UNC79: variants seen among roughly 807,000 people sequenced by gnomAD.
UNC79 encodes the protein protein unc-79 homolog.
Under a neutral mutation model 283.1 loss-of-function variants are expected in UNC79, and 37 were observed. That is an observed-to-expected ratio of 0.13 (90% confidence interval 0.10 to 0.17). The LOEUF is 0.17. Among genes scored for constraint, UNC79 ranks in the 10% least tolerant of loss-of-function variants. The pLI is 1.00. For synonymous variants in UNC79, 1,107 were observed against 1,200.2 expected (o/e 0.92, Z 1.61); for missense variants, 2,272 against 3,211.1 (o/e 0.71, Z 7.07).
intron 8 of UNC79, among the ~76,000 whole-genome samples, chr14:93,527,390 CAA>C (rs1008504793): frequency 6.6e-6 from 1 of 152,122 alleles, no homozygotes; most frequent in Non-Finnish European, 1.5e-5. Context: ...AAAATATTTA[CAA>C]AAAAAGTTTG....
At chr14:93,390,557 T>C (rs1432986437) in intron 1 of UNC79, among the ~76,000 whole-genome samples, 3 of 152,120 alleles carry the variant, frequency 2.0e-5, no homozygotes, top group Non-Finnish European at 4.4e-5. Flanking sequence ...TGTGTATATA[T>C]AGAAAAATTT....
At chr14:93,668,306 G>A (rs1335197975) in intron 40 of UNC79, among the ~76,000 whole-genome samples, 1 of 152,096 alleles carries the variant, frequency 6.6e-6, no homozygotes, top group Non-Finnish European at 1.5e-5. Context: ...CAAGGATGCT[G>A]GATACAAATG....
chr14:93,415,951 T>C (rs1364444105), intron 1 of UNC79, among the ~76,000 whole-genome samples: 3 of 152,234 alleles, frequency 2.0e-5, no homozygotes, highest in Non-Finnish European at 2.9e-5. Flanking sequence ...ATCAATTTTG[T>C]TGATCCTTTC....
At chr14:93,582,151 C>T in intron 19 of UNC79, 52 bp from the exon 20 acceptor site, 1 of 1,613,318 alleles carries the variant, frequency 6.2e-7, no homozygotes, top group Non-Finnish European at 8.5e-7. Context: ...GCAAACCGTT[C>T]CTGACACCCC....
At chr14:93,392,460 A>G (rs2054903987) in intron 1 of UNC79, among the ~76,000 whole-genome samples, 1 of 152,218 alleles carries the variant, frequency 6.6e-6, no homozygotes, top group Non-Finnish European at 1.5e-5. Context: ...TTTATTACAC[A>G]TTAATTATAT....
intron 27 of UNC79, among the ~76,000 whole-genome samples, chr14:93,614,335 A>ATTTATTTT (rs57552013): frequency 3.9e-4 from 52 of 133,282 alleles, no homozygotes; most frequent in South Asian, 1.5e-3. Context: ...TTATTTATTT[A>ATTTATTTT]GAGACGGAGT....
At chr14:93,585,884 T>TCTC (rs1491399912) in intron 20 of UNC79, among the ~76,000 whole-genome samples, 1 of 61,130 alleles carries the variant, frequency 1.6e-5, no homozygotes, top group African/African-American at 6.0e-5. Flanking sequence ...TCTCTCTCTC[T>TCTC]TTTTTTTTTT....
intron 34 of UNC79, among the ~76,000 whole-genome samples, chr14:93,644,428 G>T (rs1325843637): frequency 5.3e-5 from 8 of 152,038 alleles, no homozygotes; most frequent in African/African-American, 1.9e-4. Context: ...TTTCCAATCT[G>T]TGTGAACAGT....
At chr14:93,704,016 G>C (rs985467467) in intron 47 of UNC79, among the ~76,000 whole-genome samples, 2 of 152,216 alleles carry the variant, frequency 1.3e-5, no homozygotes, top group African/African-American at 4.8e-5. Flanking sequence ...TCCCAGGAAG[G>C]ACCACATCAG....
downstream of UNC79, chr14:93,706,936 T>C (rs1227485526): frequency 6.2e-7 from 1 of 1,611,434 alleles, no homozygotes; most frequent in Admixed American, 1.7e-5. Flanking sequence ...GTCAACACTC[T>C]GGTTTAGCAA....
chr14:93,632,372 G>T (rs1566820017), intron 31 of UNC79, among the ~76,000 whole-genome samples: 1 of 152,168 alleles, frequency 6.6e-6, no homozygotes, highest in Non-Finnish European at 1.5e-5. Context: ...TCATAAAAGT[G>T]TATCTTCTCC....
intron 26 of UNC79, among the ~76,000 whole-genome samples, chr14:93,607,635 A>G (rs1255131349): frequency 6.6e-6 from 1 of 152,160 alleles, no homozygotes; most frequent in Non-Finnish European, 1.5e-5. Flanking sequence ...AGACCAAAAG[A>G]CTTTGCCAGT....
At chr14:93,409,371 T>C (rs970558888) in intron 1 of UNC79, among the ~76,000 whole-genome samples, 27 of 152,164 alleles carry the variant, frequency 1.8e-4, no homozygotes, top group Admixed American at 3.9e-4. Context: ...AAGACTCTTA[T>C]GAAGAAAACT....
At position 93,597,640 on chromosome 14, in the gene UNC79, A is replaced by G. The variant is rs2065168269; in HGVS notation, c.3372+100A>G. Reference sequence around the variant, plus strand: ...CGTCCTAGTCTGTTTGACCTGCTATAACAGAATACCATAAACTGGGTAGTT... The same window carrying G: ...CGTCCTAGTCTGTTTGACCTGCTATGACAGAATACCATAAACTGGGTAGTT... On this transcript the variant is annotated intron_variant, in intron 24 of 48. Coordinates refer to ENST00000555664, the Ensembl canonical transcript of UNC79. 3.1e-6 allele frequency: 4 copies of G among 1,270,946 alleles called. No homozygotes were observed. The Admixed American group carries it at 8.4e-5, about 27-fold the overall frequency. 78.7% of individuals were successfully genotyped at this position (1,270,946 alleles called of 1,614,324 possible).
At chr14:93,338,057 G>C (rs1375407004) in intron 1 of UNC79, among the ~76,000 whole-genome samples, 1 of 152,102 alleles carries the variant, frequency 6.6e-6, no homozygotes, top group East Asian at 1.9e-4. Flanking sequence ...TCTGCGCCTG[G>C]CTCGCCCTTG....
At chr14:93,401,965 A>C (rs1427620388) in intron 1 of UNC79, among the ~76,000 whole-genome samples, 15 of 152,148 alleles carry the variant, frequency 9.9e-5, no homozygotes. Flanking sequence ...AAGATTCCAC[A>C]ATGTAATGTA....
exon 17 of UNC79, chr14:93,575,060 A>T (rs796871365): frequency 3.7e-6 from 6 of 1,607,084 alleles, no homozygotes; most frequent in Admixed American, 3.4e-5. Flanking sequence ...TTCCCTAGGT[A>T]TTATCGGAGT....
intron 6 of UNC79, 30 bp from the exon 7 acceptor site, chr14:93,497,127 A>G: frequency 6.3e-7 from 1 of 1,593,702 alleles, no homozygotes; most frequent in South Asian, 1.1e-5. Context: ...TCATGATGCT[A>G]AGTCAAAATA....
At chr14:93,571,798 G>A in intron 14 of UNC79, 96 bp from the exon 15 acceptor site, 1 of 1,289,538 alleles carries the variant, frequency 7.8e-7, no homozygotes. Flanking sequence ...ATGGATTGTG[G>A]CCTTTCTCTG....
Sources: allele counts gnomAD v4.1 joint callset (sites outside exome capture counted in the v4.1 genomes callset), GRCh38; gene constraint gnomAD v4.1.1; transcripts MANE v1.5; gene names NCBI Gene and HGNC (gene_info 2026-07-23, HGNC 2026-07-21).